The following SYT1 variants were observed in gnomAD, a reference collection of about 807,000 sequenced individuals.
SYT1 encodes synaptotagmin 1, also known as synaptotagmin-1.
A neutral mutation model predicts 44.8 loss-of-function variants in SYT1; 8 were observed. The ratio of observed to expected loss-of-function variants is 0.18; its 90% CI spans 0.10 to 0.32. The LOEUF is 0.32. Among genes scored for constraint, SYT1 ranks in the 10% least tolerant of loss-of-function variants. The pLI is 1.00. For missense variants in SYT1, 286 were observed against 509.3 expected (o/e 0.56, Z 4.22); for synonymous variants, 154 against 188.8 (o/e 0.82, Z 1.51).
At chr12:79,173,615 A>G (rs940105691) in intron 3 of SYT1, among the ~76,000 whole-genome samples, 3 of 152,124 alleles carry the variant, frequency 2.0e-5, no homozygotes, top group Non-Finnish European at 4.4e-5. Flanking sequence ...TGATCAGGAA[A>G]TAATTCAGAG....
intron 8 of SYT1, among the ~76,000 whole-genome samples, chr12:79,326,151 ACT>A (rs1881599484): frequency 6.6e-6 from 1 of 152,100 alleles, no homozygotes; most frequent in South Asian, 2.1e-4. Context: ...AAACTCAGCT[ACT>A]CTGACTTTTT....
At chr12:79,191,831 C>A (rs1873148478) in intron 3 of SYT1, among the ~76,000 whole-genome samples, 1 of 151,734 alleles carries the variant, frequency 6.6e-6, no homozygotes, top group African/African-American at 2.4e-5. Context: ...GGACATATAC[C>A]TGAATAACCA....
intron 1 of SYT1, among the ~76,000 whole-genome samples, chr12:78,890,965 TAC>T (rs1465077955): frequency 6.6e-6 from 1 of 151,944 alleles, no homozygotes; most frequent in East Asian, 1.9e-4. Context: ...AGATTTTAGG[TAC>T]ATAGCTCACT....
At chr12:79,344,506 A>G (rs779139813) in intron 8 of SYT1, among the ~76,000 whole-genome samples, 6 of 152,108 alleles carry the variant, frequency 3.9e-5, no homozygotes, top group Non-Finnish European at 8.8e-5. Context: ...AGGCTAAACT[A>G]CAGTGGCACG....
At chr12:79,155,736 T>C (rs1407854443) in intron 3 of SYT1, among the ~76,000 whole-genome samples, 1 of 152,224 alleles carries the variant, frequency 6.6e-6, no homozygotes, top group Non-Finnish European at 1.5e-5. Flanking sequence ...TGCATTAAAA[T>C]GGAACAAACT....
At chr12:78,909,632 TAG>T (rs1403396070) in intron 1 of SYT1, among the ~76,000 whole-genome samples, 2 of 151,968 alleles carry the variant, frequency 1.3e-5, no homozygotes, top group African/African-American at 4.8e-5. Context: ...GACAGAGACA[TAG>T]ATATAGATAA....
chr12:79,437,123 G>A (rs1870134738), intron 9 of SYT1, among the ~76,000 whole-genome samples: 1 of 152,180 alleles, frequency 6.6e-6, no homozygotes, highest in Admixed American at 6.5e-5. Flanking sequence ...CCTACCATGA[G>A]TACAGCATAA....
At chr12:79,054,838 GATTAA>G (rs1379428672) in intron 3 of SYT1, among the ~76,000 whole-genome samples, 1 of 151,876 alleles carries the variant, frequency 6.6e-6, no homozygotes, top group Non-Finnish European at 1.5e-5. Flanking sequence ...ACCATGATCA[GATTAA>G]ATTATGTTTT....
intron 2 of SYT1, among the ~76,000 whole-genome samples, chr12:79,040,709 A>C (rs1283609535): frequency 2.0e-5 from 3 of 151,996 alleles, no homozygotes; most frequent in East Asian, 1.9e-4. Context: ...ATGCCTATGT[A>C]CTGAATGGTA....
chr12:79,367,252 T>C (rs760025641), intron 9 of SYT1, among the ~76,000 whole-genome samples: 11 of 152,102 alleles, frequency 7.2e-5, no homozygotes, highest in Non-Finnish European at 1.0e-4. Context: ...GCCTCTGTCA[T>C]CCTAATTATC....
chr12:79,339,260 G>A (rs4497478), intron 8 of SYT1, among the ~76,000 whole-genome samples: 1,528 of 152,264 alleles, frequency 0.01, 26 homozygotes, highest in African/African-American at 0.034. Flanking sequence ...CTTCCACAAT[G>A]GTTGAACTAA....
chr12:79,319,344 G>A lies in SYT1; in HGVS notation c.810+19793G>A, dbSNP rs900864070. Among the ~76,000 whole-genome samples, 14 of 152,212 alleles carry A rather than the reference G, an allele frequency of 9.2e-5. No homozygotes were observed. The East Asian group carries it at 2.5e-3, about 27-fold the overall frequency. ...CTCACAACAACACTGTGGGGTAGGC[G>A]CCATTATTATCCCCAATTTATAGGC... On this transcript the variant is annotated intron_variant, in intron 8 of 10. Coordinates refer to ENST00000261205, the MANE Select transcript of SYT1 (RefSeq NM_005639.3).
At chr12:79,049,057 G>A (rs1033196) in intron 3 of SYT1, among the ~76,000 whole-genome samples, 30,257 of 151,672 alleles carry the variant, frequency 0.2, 3,357 homozygotes, top group East Asian at 0.31. Context: ...AGCTCTTTAT[G>A]CAAGAACCAA....
intron 2 of SYT1, among the ~76,000 whole-genome samples, chr12:79,016,029 A>C (rs1025001278): frequency 1.2e-4 from 19 of 152,190 alleles, no homozygotes; most frequent in Admixed American, 9.8e-4. Context: ...AAGATTAATA[A>C]GGTCAGATGA....
At chr12:79,375,418 G>T (rs1346874418) in intron 9 of SYT1, among the ~76,000 whole-genome samples, 1 of 152,184 alleles carries the variant, frequency 6.6e-6, no homozygotes, top group East Asian at 1.9e-4. Context: ...AGTTAGAGAG[G>T]CAGAGCCCAG....
intron 3 of SYT1, among the ~76,000 whole-genome samples, chr12:79,123,844 C>G (rs1199691010): frequency 2.7e-5 from 4 of 150,426 alleles, no homozygotes; most frequent in African/African-American, 7.3e-5. Context: ...AGTAAATCAG[C>G]AAAAAAGAAA....
At chr12:79,012,816 T>C (rs537626153) in intron 2 of SYT1, among the ~76,000 whole-genome samples, 1 of 152,242 alleles carries the variant, frequency 6.6e-6, no homozygotes, top group South Asian at 2.1e-4. Context: ...AGAATGGCAT[T>C]TTCCTTCTGT....
intron 2 of SYT1, among the ~76,000 whole-genome samples, chr12:79,000,386 T>G (rs1039233948): frequency 2.0e-5 from 3 of 147,420 alleles, no homozygotes; most frequent in African/African-American, 7.6e-5. Context: ...CTCCGCCGCC[T>G]GGGTTCAAGC....
chr12:79,409,802 C>A (rs1472046006), intron 9 of SYT1, among the ~76,000 whole-genome samples: 2 of 151,972 alleles, frequency 1.3e-5, no homozygotes, highest in East Asian at 1.9e-4. Flanking sequence ...TGAGTTCCAG[C>A]GAGTTTCTCT....
Sources: allele counts gnomAD v4.1 joint callset (sites outside exome capture counted in the v4.1 genomes callset), GRCh38; gene constraint gnomAD v4.1.1; transcripts MANE v1.5; gene names NCBI Gene and HGNC (gene_info 2026-07-23, HGNC 2026-07-21).